Variants in COL23A1 observed in about 807,000 individuals in gnomAD.
COL23A1 encodes the protein collagen alpha-1(XXIII) chain.
In COL23A1, 97 loss-of-function variants were observed where a neutral mutation model predicts 99.3. The observed-to-expected ratio is 0.98, with a 90% CI of 0.83 to 1.16. The LOEUF (loss-of-function observed/expected upper bound fraction) is 1.16. Ranked by LOEUF, COL23A1 falls within the 50% of genes most tolerant of loss-of-function variation. The pLI, the probability that COL23A1 is intolerant of heterozygous loss-of-function variation, is 0.00. For missense variants in COL23A1, 762 were observed against 757.4 expected, an observed-to-expected ratio of 1.01 and a Z score of -0.07; for synonymous variants, 320 against 308.2, an observed-to-expected ratio of 1.04 and a Z score of -0.40.
intron 1 of COL23A1, among the ~76,000 whole-genome samples, chr5:178,584,314 AC>A (rs2113740312): frequency 7.0e-6 from 1 of 143,842 alleles, no homozygotes; most frequent in South Asian, 2.1e-4. Context: ...CTGGCCACAC[AC>A]ACACACACAC....
chr5:178,486,933 C>T (rs1026965958), intron 2 of COL23A1, among the ~76,000 whole-genome samples: 2 of 152,240 alleles, frequency 1.3e-5, no homozygotes, highest in East Asian at 1.9e-4. Context: ...CTCCTCTGGA[C>T]CTCCAGGCTG....
chr5:178,553,729 T>C (rs1762127668), intron 2 of COL23A1, among the ~76,000 whole-genome samples: 1 of 152,134 alleles, frequency 6.6e-6, no homozygotes, highest in African/African-American at 2.4e-5. Flanking sequence ...CACACTTTCC[T>C]TTTCTGTTTC....
chr5:178,560,046 T>C (rs1216216163), intron 2 of COL23A1, among the ~76,000 whole-genome samples: 3 of 152,216 alleles, frequency 2.0e-5, no homozygotes, highest in South Asian at 2.1e-4. Context: ...CACTGGGCCA[T>C]GGCCTGTGCA....
chr5:178,589,037 A>G lies in COL23A1; in HGVS notation c.294+867T>C, dbSNP rs1764135538. Among the ~76,000 whole-genome samples the G allele has an allele frequency of 6.6e-6, 1 of 152,080 alleles. No homozygotes were observed. On this transcript the variant is annotated intron_variant, in intron 1 of 28. Coordinates refer to ENST00000390654, the MANE Select transcript of COL23A1 (RefSeq NM_173465.4). The surrounding 1 kb of genome is among the most constrained non-coding windows in gnomAD (Gnocchi z 5.4). ...GTTTCGTGGGGAGGGGAACTGCCGCACATGCCGCACACAAAAGGCGGAGGC... is the reference window on the plus strand; with the variant it reads ...GTTTCGTGGGGAGGGGAACTGCCGCGCATGCCGCACACAAAAGGCGGAGGC...
At chr5:178,408,136 T>G (rs895061294) in intron 2 of COL23A1, among the ~76,000 whole-genome samples, 1 of 152,248 alleles carries the variant, frequency 6.6e-6, no homozygotes, top group Non-Finnish European at 1.5e-5. Context: ...ACAGTGGATT[T>G]CTTCTCAGAA....
intron 1 of COL23A1, among the ~76,000 whole-genome samples, chr5:178,588,794 G>C (rs1764124371): frequency 6.6e-6 from 1 of 152,190 alleles, no homozygotes; most frequent in Non-Finnish European, 1.5e-5. Flanking sequence ...AAACACAGCT[G>C]GATACGTTAA....
At chr5:178,286,254 C>A (rs1757144982) in intron 5 of COL23A1, among the ~76,000 whole-genome samples, 1 of 152,134 alleles carries the variant, frequency 6.6e-6, no homozygotes, top group Admixed American at 6.5e-5. Context: ...GCTGGTAGGA[C>A]CAGGGGCACG....
At chr5:178,355,138 A>G (rs115048962) in intron 2 of COL23A1, among the ~76,000 whole-genome samples, 1,817 of 152,300 alleles carry the variant, frequency 0.012, 22 homozygotes, top group Middle Eastern at 0.034. Flanking sequence ...CATTATAAGT[A>G]ATCTAGAGAT....
intron 2 of COL23A1, among the ~76,000 whole-genome samples, chr5:178,400,713 C>T (rs1462843208): frequency 6.6e-6 from 1 of 151,824 alleles, no homozygotes; most frequent in Non-Finnish European, 1.5e-5. Flanking sequence ...TCTCAGCTCA[C>T]TCCAACCTCT....
chr5:178,259,073 C>T (rs548375178), intron 12 of COL23A1, among the ~76,000 whole-genome samples: 7 of 152,046 alleles, frequency 4.6e-5, no homozygotes, highest in Non-Finnish European at 7.4e-5. Flanking sequence ...CCTGTGACCA[C>T]GCCTGGCTAA....
At chr5:178,331,797 A>C (rs1467558278) in intron 2 of COL23A1, among the ~76,000 whole-genome samples, 1 of 152,210 alleles carries the variant, frequency 6.6e-6, no homozygotes, top group East Asian at 1.9e-4. Flanking sequence ...CTTCCTCTGA[A>C]TTCCACAAAG....
chr5:178,378,609 C>T (rs770211916), intron 2 of COL23A1, among the ~76,000 whole-genome samples: 1 of 152,208 alleles, frequency 6.6e-6, no homozygotes. Context: ...GAAGTTCCCC[C>T]GCAGAGGCGA....
chr5:178,293,564 G>A (rs956961546), intron 3 of COL23A1, among the ~76,000 whole-genome samples: 9 of 152,096 alleles, frequency 5.9e-5, no homozygotes, highest in Non-Finnish European at 2.9e-5. Context: ...GGGGCTGGGG[G>A]TGTTTCTCTC....
intron 1 of COL23A1, among the ~76,000 whole-genome samples, chr5:178,577,410 G>C (rs1163223471): frequency 6.6e-6 from 1 of 152,244 alleles, no homozygotes; most frequent in African/African-American, 2.4e-5. Flanking sequence ...GAGGCCCAGG[G>C]GTGAGGACTT....
intron 2 of COL23A1, among the ~76,000 whole-genome samples, chr5:178,368,568 C>T (rs1405206127): frequency 1.3e-5 from 2 of 152,190 alleles, no homozygotes; most frequent in South Asian, 2.1e-4. Context: ...TTCCACTGCC[C>T]TAAAAGTAGT....
At chr5:178,422,063 C>T (rs1357066726) in intron 2 of COL23A1, among the ~76,000 whole-genome samples, 1 of 152,192 alleles carries the variant, frequency 6.6e-6, no homozygotes, top group African/African-American at 2.4e-5. Flanking sequence ...AAAATGAGGA[C>T]TTTATCTCAG....
At chr5:178,401,034 C>T (rs1764420244) in intron 2 of COL23A1, among the ~76,000 whole-genome samples, 1 of 152,244 alleles carries the variant, frequency 6.6e-6, no homozygotes, top group African/African-American at 2.4e-5. Context: ...GTAACCTCCA[C>T]TCTACTTTCT....
chr5:178,440,993 G>A (rs951796770), intron 2 of COL23A1, among the ~76,000 whole-genome samples: 1 of 152,096 alleles, frequency 6.6e-6, no homozygotes, highest in African/African-American at 2.4e-5. Flanking sequence ...AGAGTGGCTT[G>A]AGGTTTAGAA....
At chr5:178,579,391 G>A (rs1475175660) in intron 1 of COL23A1, among the ~76,000 whole-genome samples, 2 of 152,206 alleles carry the variant, frequency 1.3e-5, no homozygotes, top group African/African-American at 4.8e-5. Context: ...TCATTTACCG[G>A]AGGTCACACA....
Sources: allele counts gnomAD v4.1 joint callset (sites outside exome capture counted in the v4.1 genomes callset), GRCh38; gene constraint gnomAD v4.1.1; non-coding constraint Gnocchi (gnomAD v3.1); transcripts MANE v1.5; gene names NCBI Gene and HGNC (gene_info 2026-07-23, HGNC 2026-07-21).